The following C4orf54 variants were observed in gnomAD, a reference collection of about 807,000 sequenced individuals.
The protein encoded by C4orf54 is uncharacterized protein C4orf54.
In C4orf54, 67 loss-of-function variants were observed where a neutral mutation model predicts 80.1. The observed-to-expected ratio is 0.84, with a 90% CI of 0.69 to 1.03. C4orf54 has a LOEUF of 1.03. Ranked by LOEUF, C4orf54 falls within the 50% of genes least tolerant of loss-of-function variation. The pLI is 0.00. For missense variants in C4orf54, 2,434 were observed against 2,253.5 expected (o/e 1.08, Z -1.62); for synonymous variants, 1,000 against 917.0 (o/e 1.09, Z -1.64).
intron 1 of C4orf54, among the ~76,000 whole-genome samples, chr4:99,655,364 C>CA (rs1726962179): frequency 6.6e-6 from 1 of 152,156 alleles, no homozygotes; most frequent in African/African-American, 2.4e-5. Context: ...TAATCAATCT[C>CA]AAAAAAGATC....
intron 2 of C4orf54, among the ~76,000 whole-genome samples, chr4:99,641,729 G>A (rs1726610127): frequency 6.6e-6 from 1 of 152,130 alleles, no homozygotes; most frequent in African/African-American, 2.4e-5. Context: ...ATCCATTCTA[G>A]AACAGCATTG....
rs545427744 is a variant in C4orf54, at chr4:99,652,799, T to G, written c.1850A>C (p.Asp617Ala). ...SGASSAVSEL[D>A]DADKEVRNLT... ...GTTACGCACCTCTTTGTCCGCATCG[T>G]CCAGTTCGCTCACGGCACTGGAGGC... The change falls in exon 2 of 3, where the codon GAC becomes GCC. Residue 617 changes from aspartate (D) to alanine (A), a missense_variant. Transcript: ENST00000511828. 3.2e-4 allele frequency: 491 copies of G among 1,536,086 alleles called. 1 individual carries two copies. Among genetic ancestry groups the G allele is most frequent in the Non-Finnish European group, 4.0e-4 (458 of 1,146,908 alleles).
At position 99,651,274 on chromosome 4, in the gene C4orf54, G is replaced by T. The variant is rs538069584; in HGVS notation, c.3375C>A (p.Thr1125=). 7 of 1,536,108 alleles carry T rather than the reference G, an allele frequency of 4.6e-6. No homozygotes were observed. In the African/African-American group the frequency reaches 9.6e-5, roughly 21 times the overall value. The change falls in exon 2 of 3, where the codon ACC becomes ACA. Residue 1125 remains threonine (T), a synonymous_variant. Coordinates refer to ENST00000511828, the MANE Select transcript of C4orf54 (RefSeq NM_001354435.2). The part of the protein sequence containing the change: ...SGDSSDKGSV[T]PEQGLTGPKP... ...TGGGTCCAGTCAGCCCCTGCTCTGGGGTAACACTGCCCTTGTCACTACTAT... is the reference window on the plus strand; with the variant it reads ...TGGGTCCAGTCAGCCCCTGCTCTGGTGTAACACTGCCCTTGTCACTACTAT...
chr4:99,653,114 C>G lies in C4orf54; in HGVS notation c.1535G>C (p.Cys512Ser). 6.5e-7 allele frequency: 1 copy of G among 1,536,292 alleles called. No homozygotes were observed. ...SGAAAAAASS[C>S]GSAASQILLS... is the part of the protein sequence containing the mutation. ...GAGGATCTGGCTTGCTGCACTCCCA[C>G]AGCTGCTTGCGGCGGCGGCTGCTGC... is the stretch of plus-strand genomic sequence containing the variant. Residue 512 changes from cysteine to serine, a missense_variant, in exon 2 of 3, where the codon TGT becomes TCT. Coordinates refer to ENST00000511828, the MANE Select transcript of C4orf54 (RefSeq NM_001354435.2).
Position 99,650,128 on chromosome 4 carries a change from G to A in C4orf54, c.4521C>T (p.Pro1507=), listed in dbSNP as rs552538491. 1.7e-4 allele frequency: 268 copies of A among 1,535,972 alleles called. 1 individual carries two copies. The highest frequency in any genetic ancestry group is 5.9e-4 in the South Asian group (50 of 84,052). Residue 1507 remains proline, a synonymous_variant, in exon 2 of 3, where the codon CCC becomes CCT. Transcript: ENST00000511828. ...NSSAATLCSL[P]PLSARSQVPS... The stretch of plus-strand genomic sequence containing the variant: ...GGACCTGACTGCGGGCACTCAGCGG[G>A]GGTAAACTACAGAGAGTGGCAGCTG...
Position 99,651,386 on chromosome 4 carries a change from T to C in C4orf54, c.3263A>G (p.Gln1088Arg), listed in dbSNP as rs925441156. ...GGACTTGTCTCTGATGTCTCTCACC[T>C]GGAAATGGGGCACTTTTTCTAGGTT... ...GDNLEKVPHFQVRDIRDKSKA... is the reference protein window; with the variant it reads ...GDNLEKVPHFRVRDIRDKSKA... The change falls in exon 2 of 3, where the codon CAG (glutamine) becomes CGG (arginine). Residue 1088 changes from glutamine (Q) to arginine (R), a missense_variant. By Grantham distance (43) the Gln-to-Arg change is conservative (BLOSUM62 1). Coordinates refer to ENST00000511828, the MANE Select transcript of C4orf54 (RefSeq NM_001354435.2). 1 of 1,536,226 alleles carries C rather than the reference T, an allele frequency of 6.5e-7. No individual in the cohort carries two copies. The highest frequency in any genetic ancestry group is 1.2e-5 in the South Asian group (1 of 84,058).
chr4:99,653,075 G>T lies in C4orf54; in HGVS notation c.1574C>A (p.Pro525Gln). ...AGGCTCATTTATAGCCCGGGAAGCC[G>T]GTTTGATTGATAGGAGGATCTGGCT... ...AASQILLSIK[P>Q]ASRAINEPSN... The change falls in exon 2 of 3, where the codon CCG (proline) becomes CAG (glutamine). Residue 525 changes from proline (P) to glutamine (Q), a missense_variant. Pro to Gln is a moderately conservative substitution (Grantham distance 76, BLOSUM62 -1). Coordinates refer to ENST00000511828, the MANE Select transcript of C4orf54 (RefSeq NM_001354435.2). The T allele has an allele frequency of 6.5e-7, 1 of 1,536,264 alleles. No individual in the cohort carries two copies. The highest frequency in any genetic ancestry group is 8.7e-7 in the Non-Finnish European group (1 of 1,146,914).
chr4:99,649,006 A>G (rs1056433356), intron 2 of C4orf54, among the ~76,000 whole-genome samples: 26 of 152,226 alleles, frequency 1.7e-4, no homozygotes, highest in African/African-American at 5.3e-4. Context: ...GGCAATCTGA[A>G]AAGGTCAAAG....
Position 99,638,838 on chromosome 4 carries a change from G to A in C4orf54, c.*2395C>T, listed in dbSNP as rs780368502. ...TGAAATAGAGAACCATAAAATTATC[G>A]ATAGATGACATGATATTAATAGAAC... On this transcript the variant is annotated 3_prime_UTR_variant, in exon 3 of 3. Transcript: ENST00000511828. The A allele has an allele frequency of 9.9e-5, 15 of 152,212 alleles. No homozygotes were observed. The highest frequency in any genetic ancestry group is 2.2e-4 in the Non-Finnish European group (15 of 67,980). 9.4% of individuals were successfully genotyped at this position (152,212 alleles called of 1,614,324 possible).
intron 2 of C4orf54, among the ~76,000 whole-genome samples, chr4:99,645,410 T>TAAAAAAAAAAAAAA (rs70958324): frequency 7.2e-5 from 4 of 55,878 alleles, no homozygotes; most frequent in African/African-American, 1.6e-4. Context: ...AGGCTTACAG[T>TAAAAAAAAAAAAAA]AAAAAAAAAA....
rs1222023470 is a variant in C4orf54 at position 99,650,146 on chromosome 4, G to T, written c.4503C>A (p.Ala1501=). ...SREGPPNSSA[A]TLCSLPPLSA... The stretch of plus-strand genomic sequence containing the variant: ...TCAGCGGGGGTAAACTACAGAGAGT[G>T]GCAGCTGAGGAGTTGGGGGGCCCCT... Residue 1501 remains alanine (A), a synonymous_variant, in exon 2 of 3, where the codon GCC becomes GCA. Coordinates refer to ENST00000511828, the MANE Select transcript of C4orf54 (RefSeq NM_001354435.2). The T allele has an allele frequency of 1.3e-6, 2 of 1,536,006 alleles. No homozygotes were observed. Among genetic ancestry groups the T allele is most frequent in the Non-Finnish European group, 1.7e-6 (2 of 1,146,888 alleles).
At position 99,653,398 on chromosome 4, in the gene C4orf54, C is replaced by T. The variant is rs982012685; in HGVS notation, c.1251G>A (p.Gly417=). The part of the protein sequence containing the change: ...ASFGGSDETP[G]DITSLTEEDD... ...CCTCTTCGGTCAGACTGGTGATGTC[C>T]CCTGGGGTCTCGTCGCTGCCACCAA... The change falls in exon 2 of 3, where the codon GGG becomes GGA. Residue 417 remains glycine (G), a synonymous_variant. Coordinates refer to ENST00000511828, the MANE Select transcript of C4orf54 (RefSeq NM_001354435.2). 1.3e-6 allele frequency: 2 copies of T among 1,536,206 alleles called. No homozygotes were observed. Among genetic ancestry groups the T allele is most frequent in the South Asian group, 1.2e-5 (1 of 84,044 alleles).
chr4:99,652,113 T>C lies in C4orf54; in HGVS notation c.2536A>G (p.Lys846Glu), dbSNP rs920515833. 6.5e-7 allele frequency: 1 copy of C among 1,536,070 alleles called. No individual in the cohort carries two copies. The highest frequency in any genetic ancestry group is 2.0e-5 in the Admixed American group (1 of 51,006). ...CTCCCGCGGGCGCCCTCCGTCTCCT[T>C]GGAGGTGCCTGAGAGGTGGTGGGAT... ...DTSHHLSGTS[K>E]ETEGARGSER... Residue 846 changes from lysine to glutamate, a missense_variant, in exon 2 of 3, where the codon AAG becomes GAG. Transcript: ENST00000511828.
At chr4:99,643,813 C>T (rs6532825) in intron 2 of C4orf54, among the ~76,000 whole-genome samples, 65,648 of 146,440 alleles carry the variant, frequency 0.45, 16,829 homozygotes, top group African/African-American at 0.68. Flanking sequence ...GGCAGTAAAA[C>T]GGCCAGAAGA....
intron 1 of C4orf54, 83 bp from the exon 2 acceptor site, chr4:99,654,762 G>T: frequency 1.7e-6 from 1 of 598,364 alleles, no homozygotes; most frequent in Non-Finnish European, 3.0e-6. Context: ...CACACTTGAG[G>T]GTAGAAAGAA....
chr4:99,653,196 G>A lies in C4orf54; in HGVS notation c.1453C>T (p.Pro485Ser). The change falls in exon 2 of 3, where the codon CCT becomes TCT. Residue 485 changes from proline to serine, a missense_variant. By Grantham distance (74) the Pro-to-Ser change is moderately conservative. Coordinates refer to ENST00000511828, the MANE Select transcript of C4orf54 (RefSeq NM_001354435.2). ...GGCTCAGTCAGGGGGGCAGTGCCAG[G>A]CCCAGTGGGTGGGGGAGTGGGGCCA... is the stretch of plus-strand genomic sequence containing the variant. ...DSGPTPPPTGPGTAPLTEPLP... is the reference protein window; with the variant it reads ...DSGPTPPPTGSGTAPLTEPLP... 1 of 1,535,754 alleles carries A rather than the reference G, an allele frequency of 6.5e-7. No homozygotes were observed. The highest frequency in any genetic ancestry group is 8.7e-7 in the Non-Finnish European group (1 of 1,146,686).
At position 99,637,439 on chromosome 4, in the gene C4orf54, A is replaced by AGTCTGCAAT. The variant is rs1316049094; in HGVS notation, c.*3785_*3793dup. 6.6e-6 allele frequency: 1 copy of AGTCTGCAAT among 152,120 alleles called. No homozygotes were observed. The highest frequency in any genetic ancestry group is 1.5e-5 in the Non-Finnish European group (1 of 68,008). 9.4% of individuals were successfully genotyped at this position (152,120 alleles called of 1,614,324 possible). On this transcript the variant is annotated 3_prime_UTR_variant, in exon 3 of 3. Transcript: ENST00000511828. ...ACATGTTTTTTTCCCAGAGGACCCG[A>AGTCTGCAAT]GTCTGCAATTCTGATTAGATTCAAG...
Position 99,652,504 on chromosome 4 carries a change from C to T in C4orf54, c.2145G>A (p.Lys715=), listed in dbSNP as rs1480258490. 4 of 1,535,918 alleles carry T rather than the reference C, an allele frequency of 2.6e-6. No individual in the cohort carries two copies. Among genetic ancestry groups the T allele is most frequent in the Non-Finnish European group, 2.6e-6 (3 of 1,146,874 alleles). ...LYIQSKKSQT[K]ALEFVVSKVE... is the part of the protein sequence containing the mutation. ...CTTTGCTGACCACGAACTCCAAGGC[C>T]TTGGTCTGAGACTTCTTGGACTGGA... The change falls in exon 2 of 3, where the codon AAG becomes AAA. Residue 715 remains lysine (K), a synonymous_variant. Coordinates refer to ENST00000511828, the MANE Select transcript of C4orf54 (RefSeq NM_001354435.2).
At position 99,651,664 on chromosome 4, in the gene C4orf54, G is replaced by A. The variant is rs1345839442; in HGVS notation, c.2985C>T (p.Ile995=). The change falls in exon 2 of 3, where the codon ATC becomes ATT. Residue 995 remains isoleucine (I), a synonymous_variant. Transcript: ENST00000511828. ...GCTGCTTGTCCTTGGGTGTCTGCTGGATGTTGGGGACAAAGAGGCGAGACA... is the reference window on the plus strand; with the variant it reads ...GCTGCTTGTCCTTGGGTGTCTGCTGAATGTTGGGGACAAAGAGGCGAGACA... ...TIMSRLFVPN[I]QQTPKDKQPR... 37 of 1,535,974 alleles carry A rather than the reference G, an allele frequency of 2.4e-5. No homozygotes were observed. The highest frequency in any genetic ancestry group is 3.1e-5 in the Non-Finnish European group (35 of 1,146,906).
Sources: allele counts gnomAD v4.1 joint callset (sites outside exome capture counted in the v4.1 genomes callset), GRCh38; gene constraint gnomAD v4.1.1; transcripts MANE v1.5; gene names NCBI Gene and HGNC (gene_info 2026-07-23, HGNC 2026-07-21).